The following HDAC9 variants were observed in gnomAD, a reference collection of about 807,000 sequenced individuals.
The protein encoded by HDAC9 is MEF-2 interacting transcription repressor (MITR) protein.
Under a neutral mutation model 139.4 loss-of-function variants are expected in HDAC9, and 41 were observed. The observed-to-expected ratio is 0.29, with a 90% confidence interval of 0.23 to 0.38. The LOEUF (loss-of-function observed/expected upper bound fraction) is 0.38. HDAC9 is among the 10% of genes least tolerant of loss of function. The pLI is 1.00. For synonymous variants in HDAC9, 517 were observed against 476.2 expected (o/e 1.09, Z -1.12); for missense variants, 1,147 against 1,297.0 (o/e 0.88, Z 1.78).
At chr7:18,783,713 G>A (rs963919901) in intron 16 of HDAC9, among the ~76,000 whole-genome samples, 4 of 147,718 alleles carry the variant, frequency 2.7e-5, no homozygotes, top group African/African-American at 1.0e-4. Flanking sequence ...AACTTTGTGT[G>A]AAAATAAATC....
chr7:18,171,241 C>G (rs1191333562), intron 2 of HDAC9, among the ~76,000 whole-genome samples: 3 of 152,124 alleles, frequency 2.0e-5, no homozygotes, highest in Non-Finnish European at 4.4e-5. Flanking sequence ...ACTTGACTCT[C>G]TGTTTGTCTG....
chr7:18,201,370 A>G (rs1204353070), intron 2 of HDAC9, among the ~76,000 whole-genome samples: 2 of 152,206 alleles, frequency 1.3e-5, no homozygotes, highest in Non-Finnish European at 1.5e-5. Context: ...TAGGAACAAG[A>G]CAGAGATCAA....
chr7:18,994,739 T>C (rs1706969401), intron 25 of HDAC9, among the ~76,000 whole-genome samples: 1 of 152,216 alleles, frequency 6.6e-6, no homozygotes, highest in Non-Finnish European at 1.5e-5. Flanking sequence ...TAGAGATGCA[T>C]TGAAATCTTG....
chr7:18,118,072 A>G (rs1264617918), intron 1 of HDAC9, among the ~76,000 whole-genome samples: 1 of 152,206 alleles, frequency 6.6e-6, no homozygotes, highest in Non-Finnish European at 1.5e-5. Context: ...AATAATAACA[A>G]CCAACATTTA....
At chr7:18,438,273 G>A (rs1428102037) in intron 1 of HDAC9, among the ~76,000 whole-genome samples, 1 of 151,960 alleles carries the variant, frequency 6.6e-6, no homozygotes, top group Non-Finnish European at 1.5e-5. Flanking sequence ...GTTAATATGA[G>A]ATACCTTTAT....
intron 1 of HDAC9, among the ~76,000 whole-genome samples, chr7:18,412,437 A>G (rs1285849982): frequency 2.0e-5 from 3 of 152,174 alleles, no homozygotes; most frequent in Non-Finnish European, 4.4e-5. Context: ...CCACAGTACT[A>G]TAAGGGATGG....
chr7:18,183,209 C>T (rs539164628), intron 2 of HDAC9, among the ~76,000 whole-genome samples: 1 of 151,968 alleles, frequency 6.6e-6, no homozygotes, highest in Non-Finnish European at 1.5e-5. Context: ...CGGGGTTTCA[C>T]CGTGTTAGCC....
intron 2 of HDAC9, among the ~76,000 whole-genome samples, chr7:18,184,595 T>C (rs1327772475): frequency 1.3e-5 from 2 of 152,198 alleles, no homozygotes; most frequent in African/African-American, 2.4e-5. Flanking sequence ...TGTGGCATCA[T>C]GTTGGTGTTC....
intron 2 of HDAC9, among the ~76,000 whole-genome samples, chr7:18,246,895 A>G (rs927908465): frequency 2.0e-5 from 3 of 152,030 alleles, no homozygotes; most frequent in Admixed American, 6.6e-5. Context: ...GCTAGAAGGA[A>G]TTGAATTTTA....
Position 18,829,501 on chromosome 7 carries a change from T to A in HDAC9, c.2419T>A (p.Tyr807Asn). Reference sequence around the variant, plus strand: ...TAATTCAGTTGCAATTACCGCCAAATACTTGAGAGACCAACTAAATATAAG... The same window carrying A: ...TAATTCAGTTGCAATTACCGCCAAAAACTTGAGAGACCAACTAAATATAAG... ...FFNSVAITAKYLRDQLNISKI... is the reference protein window; with the variant it reads ...FFNSVAITAKNLRDQLNISKI... The change falls in exon 19 of 26, where the codon TAC (tyrosine) becomes AAC (asparagine). Residue 807 changes from tyrosine (Y) to asparagine (N), a missense_variant. Tyr to Asn is a moderately radical substitution (Grantham distance 143). Coordinates refer to ENST00000686413, the MANE Select transcript of HDAC9 (RefSeq NM_178425.4). 6.2e-7 allele frequency: 1 copy of A among 1,612,872 alleles called. No individual in the cohort carries two copies.
intron 24 of HDAC9, among the ~76,000 whole-genome samples, chr7:18,968,105 A>T (rs146411719): frequency 0.025 from 3,848 of 152,150 alleles, 147 homozygotes; most frequent in African/African-American, 0.088. Context: ...GAGGATGCAG[A>T]GAGCCGAGAT....
At chr7:18,599,831 A>G (rs1031311516) in intron 6 of HDAC9, among the ~76,000 whole-genome samples, 2 of 152,214 alleles carry the variant, frequency 1.3e-5, no homozygotes, top group Non-Finnish European at 2.9e-5. Context: ...TCATGTGGTA[A>G]GACTTGTTTG....
intron 22 of HDAC9, among the ~76,000 whole-genome samples, chr7:18,914,230 C>T (rs1448727171): frequency 6.6e-6 from 1 of 151,574 alleles, no homozygotes; most frequent in African/African-American, 2.4e-5. Context: ...TCTGCTTGAT[C>T]TTGAACTTCC....
chr7:18,907,300 C>T (rs983884042), intron 22 of HDAC9, among the ~76,000 whole-genome samples: 3 of 152,084 alleles, frequency 2.0e-5, no homozygotes, highest in Admixed American at 6.5e-5. Flanking sequence ...AAATATTTCC[C>T]AAGTGAAATA....
At chr7:18,289,590 A>G (rs143909788), upstream of HDAC9, among the ~76,000 whole-genome samples, 31 of 152,240 alleles carry the variant, frequency 2.0e-4, 1 homozygote, top group African/African-American at 7.5e-4. Flanking sequence ...TTTTTTTCTA[A>G]TGCCACAATC....
intron 1 of HDAC9, among the ~76,000 whole-genome samples, chr7:18,483,074 T>TC (rs759224083): frequency 6.6e-6 from 1 of 152,218 alleles, no homozygotes; most frequent in Non-Finnish European, 1.5e-5. Context: ...GTATATGCAT[T>TC]ATATACAGTA....
At chr7:18,335,769 C>T (rs567053089) in intron 1 of HDAC9, among the ~76,000 whole-genome samples, 1 of 151,424 alleles carries the variant, frequency 6.6e-6, no homozygotes, top group Non-Finnish European at 1.5e-5. Context: ...TGGGGTGGTA[C>T]CAAACCATCA....
At chr7:18,706,068 A>C (rs1203296577) in intron 12 of HDAC9, among the ~76,000 whole-genome samples, 1 of 150,728 alleles carries the variant, frequency 6.6e-6, no homozygotes, top group Non-Finnish European at 1.5e-5. Context: ...TCTTTCCCAC[A>C]TGAATAGAAA....
chr7:18,763,488 C>T (rs1216910818), intron 15 of HDAC9, among the ~76,000 whole-genome samples: 1 of 152,070 alleles, frequency 6.6e-6, no homozygotes, highest in Non-Finnish European at 1.5e-5. Flanking sequence ...ATAATGTATA[C>T]TATCGAATTA....
Sources: allele counts gnomAD v4.1 joint callset (sites outside exome capture counted in the v4.1 genomes callset), GRCh38; gene constraint gnomAD v4.1.1; transcripts MANE v1.5; gene names NCBI Gene and HGNC (gene_info 2026-07-23, HGNC 2026-07-21).